The following ASIC2 variants were observed in gnomAD, a reference collection of about 807,000 sequenced individuals.
The protein encoded by ASIC2 is acid-sensing ion channel 2.
Under a neutral mutation model 57.3 loss-of-function variants are expected in ASIC2, and 25 were observed. The ratio of observed to expected loss-of-function variants is 0.44; its 90% confidence interval spans 0.32 to 0.61. The LOEUF is 0.61. Among genes scored for constraint, ASIC2 ranks in the 20% least tolerant of loss-of-function variants. The pLI, the probability that ASIC2 is intolerant of heterozygous loss-of-function variation, is 0.06. For missense variants in ASIC2, 641 were observed against 738.1 expected, an observed-to-expected ratio of 0.87 and a Z score of 1.52; for synonymous variants, 319 against 307.5, an observed-to-expected ratio of 1.04 and a Z score of -0.39.
At chr17:33,644,216 G>A (rs749406907) in intron 1 of ASIC2, among the ~76,000 whole-genome samples, 35 of 152,130 alleles carry the variant, frequency 2.3e-4, no homozygotes, top group African/African-American at 7.0e-4. Context: ...ATGTGTTAAC[G>A]TGTGCCTCCA....
At chr17:33,448,705 C>A (rs544630146) in intron 1 of ASIC2, among the ~76,000 whole-genome samples, 1 of 152,266 alleles carries the variant, frequency 6.6e-6, no homozygotes, top group South Asian at 2.1e-4. Context: ...GACTTCTGGC[C>A]TCCAGAACTG....
intron 1 of ASIC2, among the ~76,000 whole-genome samples, chr17:33,430,818 C>T (rs1911386253): frequency 6.6e-6 from 1 of 152,176 alleles, no homozygotes; most frequent in Non-Finnish European, 1.5e-5. Flanking sequence ...TTTTGAATTT[C>T]ATTCTCTACA....
intron 1 of ASIC2, among the ~76,000 whole-genome samples, chr17:33,240,125 T>G (rs1908447816): frequency 6.6e-6 from 1 of 152,174 alleles, no homozygotes; most frequent in Non-Finnish European, 1.5e-5. Context: ...CAGCCTAAGA[T>G]AGTTGATCTG....
At chr17:33,977,925 G>A (rs571704032) in intron 1 of ASIC2, among the ~76,000 whole-genome samples, 1 of 152,322 alleles carries the variant, frequency 6.6e-6, no homozygotes, top group East Asian at 1.9e-4. Context: ...TGCCTGCCTG[G>A]CACATGGGTT....
At chr17:33,642,302 G>T (rs942010385) in intron 1 of ASIC2, among the ~76,000 whole-genome samples, 38 of 151,676 alleles carry the variant, frequency 2.5e-4, no homozygotes, top group Non-Finnish European at 3.7e-4. Flanking sequence ...CAGGCAAGGG[G>T]CAGAGGACAC....
chr17:33,922,408 G>A (rs1307656369), intron 1 of ASIC2, among the ~76,000 whole-genome samples: 8 of 152,030 alleles, frequency 5.3e-5, no homozygotes, highest in Admixed American at 5.2e-4. Flanking sequence ...CAGCATTTCA[G>A]AAAAACCCTT....
chr17:33,388,121 C>CAAT, intron 1 of ASIC2, among the ~76,000 whole-genome samples: 3 of 151,684 alleles, frequency 2.0e-5, no homozygotes, highest in Non-Finnish European at 2.9e-5. Flanking sequence ...ACAACAACAA[C>CAAT]AAAACAAACA....
chr17:33,564,644 C>G (rs1916175899), intron 1 of ASIC2, among the ~76,000 whole-genome samples: 1 of 152,242 alleles, frequency 6.6e-6, no homozygotes, highest in Non-Finnish European at 1.5e-5. Flanking sequence ...AGCAAGCCAC[C>G]CCTAGCCTGT....
At chr17:33,919,438 T>C (rs1370000764) in intron 1 of ASIC2, among the ~76,000 whole-genome samples, 1 of 152,186 alleles carries the variant, frequency 6.6e-6, no homozygotes, top group Non-Finnish European at 1.5e-5. Flanking sequence ...ATTCAATAAA[T>C]AGTGCTGGGA....
intron 1 of ASIC2, among the ~76,000 whole-genome samples, chr17:33,917,470 T>C (rs556717519): frequency 6.6e-6 from 1 of 152,262 alleles, no homozygotes; most frequent in South Asian, 2.1e-4. Flanking sequence ...TCCAGGTCCA[T>C]CATCTTCTAT....
chr17:33,432,469 C>T (rs1911453724), intron 1 of ASIC2, among the ~76,000 whole-genome samples: 1 of 152,144 alleles, frequency 6.6e-6, no homozygotes, highest in Non-Finnish European at 1.5e-5. Context: ...GTCGAAGCTG[C>T]TGTGAGCCAT....
At chr17:33,667,412 A>T (rs1196256564) in intron 1 of ASIC2, among the ~76,000 whole-genome samples, 1 of 152,232 alleles carries the variant, frequency 6.6e-6, no homozygotes, top group East Asian at 1.9e-4. Flanking sequence ...CAAGGCTGTT[A>T]ACCTTATACA....
At chr17:33,242,509 G>T (rs867902697) in intron 1 of ASIC2, among the ~76,000 whole-genome samples, 8 of 152,076 alleles carry the variant, frequency 5.3e-5, no homozygotes, top group Middle Eastern at 3.4e-3. Context: ...AGAAAATGAG[G>T]CTCCAAGGAC....
intron 1 of ASIC2, among the ~76,000 whole-genome samples, chr17:33,119,668 T>C (rs1231435910): frequency 1.3e-5 from 2 of 152,260 alleles, no homozygotes; most frequent in East Asian, 3.8e-4. Flanking sequence ...CAGGAATTTT[T>C]TGACCACCTA....
intron 3 of ASIC2, among the ~76,000 whole-genome samples, chr17:33,056,249 A>G (rs1321547676): frequency 6.6e-6 from 1 of 152,254 alleles, no homozygotes; most frequent in Non-Finnish European, 1.5e-5. Flanking sequence ...ACAGGTGGAC[A>G]CACCAACACA....
intron 1 of ASIC2, among the ~76,000 whole-genome samples, chr17:33,317,352 C>T (rs759043327): frequency 8.5e-5 from 13 of 152,148 alleles, no homozygotes; most frequent in Non-Finnish European, 1.6e-4. Context: ...TGCTCTCCTG[C>T]GAAACCTCTG....
intron 1 of ASIC2, among the ~76,000 whole-genome samples, chr17:33,763,684 C>T (rs932424598): frequency 6.6e-6 from 1 of 152,214 alleles, no homozygotes; most frequent in Non-Finnish European, 1.5e-5. Flanking sequence ...CTTTCCTCTG[C>T]TGCATATTCC....
At chr17:34,029,119 G>C (rs185282294) in intron 1 of ASIC2, among the ~76,000 whole-genome samples, 46 of 151,632 alleles carry the variant, frequency 3.0e-4, no homozygotes, top group Non-Finnish European at 5.7e-4. Flanking sequence ...ACTATTCCTC[G>C]CTATGTGGCA....
chr17:34,129,915 G>C (rs1433384802), intron 1 of ASIC2, among the ~76,000 whole-genome samples: 1 of 152,150 alleles, frequency 6.6e-6, no homozygotes, highest in African/African-American at 2.4e-5. Context: ...GCCTCTCAAG[G>C]GGGTCCACTG....
Sources: allele counts gnomAD v4.1 joint callset (sites outside exome capture counted in the v4.1 genomes callset), GRCh38; gene constraint gnomAD v4.1.1; transcripts MANE v1.5; gene names NCBI Gene and HGNC (gene_info 2026-07-23, HGNC 2026-07-21).